Variants in CFAP20DC observed in about 807,000 individuals in gnomAD.
The protein encoded by CFAP20DC is protein CFAP20DC.
CFAP20DC carries 84 observed loss-of-function variants against 101.7 expected under a neutral mutation model. The observed-to-expected ratio is 0.83, with a 90% CI of 0.69 to 0.99. The LOEUF is 0.99. Among genes scored for constraint, CFAP20DC ranks in the 50% least tolerant of loss-of-function variants. The pLI, the probability that CFAP20DC is intolerant of heterozygous loss-of-function variation, is 0.00. For synonymous variants in CFAP20DC, 359 were observed against 351.2 expected (o/e 1.02, Z -0.25); for missense variants, 1,007 against 970.3 (o/e 1.04, Z -0.50).
At chr3:58,739,375 A>G (rs1383990219), downstream of CFAP20DC, among the ~76,000 whole-genome samples, 2 of 152,244 alleles carry the variant, frequency 1.3e-5, no homozygotes, top group Admixed American at 1.3e-4. Flanking sequence ...ACTGATACCA[A>G]ATTATCTTAA....
chr3:58,970,624 T>A (rs1453400366), intron 4 of CFAP20DC: 1 of 152,128 alleles, frequency 6.6e-6, no homozygotes, highest in Non-Finnish European at 1.5e-5. Flanking sequence ...ATGGCAGCCC[T>A]CAGAAACCAA....
intron 15 of CFAP20DC, among the ~76,000 whole-genome samples, chr3:58,776,374 C>G (rs1256249240): frequency 6.6e-6 from 1 of 152,096 alleles, no homozygotes; most frequent in East Asian, 1.9e-4. Context: ...ATCTTGGTCC[C>G]TCTTCTACCA....
At chr3:59,038,277 T>C (rs536050116) in intron 4 of CFAP20DC, among the ~76,000 whole-genome samples, 5 of 151,996 alleles carry the variant, frequency 3.3e-5, no homozygotes, top group Non-Finnish European at 7.4e-5. Context: ...ACTTAAAGTA[T>C]AATAATAATA....
At chr3:58,774,622 C>T (rs1387303479) in intron 15 of CFAP20DC, among the ~76,000 whole-genome samples, 1 of 152,140 alleles carries the variant, frequency 6.6e-6, no homozygotes, top group African/African-American at 2.4e-5. Flanking sequence ...TGGAATTCAT[C>T]AGGAAAAGAC....
At chr3:58,880,681 T>G (rs1171317917) in intron 7 of CFAP20DC, among the ~76,000 whole-genome samples, 1 of 152,202 alleles carries the variant, frequency 6.6e-6, no homozygotes, top group South Asian at 2.1e-4. Context: ...AAATGGTTTG[T>G]GTCATCTTTG....
intron 15 of CFAP20DC, among the ~76,000 whole-genome samples, chr3:58,781,927 T>A (rs1454148263): frequency 1.3e-5 from 2 of 152,022 alleles, no homozygotes; most frequent in Non-Finnish European, 2.9e-5. Flanking sequence ...ACTCATTCTA[T>A]GAGACCAGCA....
At chr3:58,814,324 T>G (rs1264122923) in intron 14 of CFAP20DC, among the ~76,000 whole-genome samples, 1 of 151,878 alleles carries the variant, frequency 6.6e-6, no homozygotes, top group African/African-American at 2.4e-5. Context: ...GACTAAAAAC[T>G]CTCAATAAAT....
intron 3 of CFAP20DC, among the ~76,000 whole-genome samples, chr3:59,043,818 C>T (rs1173417964): frequency 6.6e-6 from 1 of 152,174 alleles, no homozygotes; most frequent in Non-Finnish European, 1.5e-5. Context: ...GAAGAGTTTA[C>T]TCAAGTCTCA....
At chr3:59,031,813 A>C (rs1010930960) in intron 4 of CFAP20DC, among the ~76,000 whole-genome samples, 2 of 152,162 alleles carry the variant, frequency 1.3e-5, no homozygotes, top group African/African-American at 4.8e-5. Context: ...AATTTATGTC[A>C]CTCTCATTTT....
chr3:58,842,309 C>A (rs866312023), intron 13 of CFAP20DC, among the ~76,000 whole-genome samples: 130 of 152,312 alleles, frequency 8.5e-4, no homozygotes, highest in African/African-American at 2.8e-3. Context: ...TGGGTGCGCG[C>A]ACCGTGCGCG....
intron 12 of CFAP20DC, among the ~76,000 whole-genome samples, chr3:58,855,166 A>C (rs1206121210): frequency 2.0e-5 from 3 of 152,128 alleles, no homozygotes; most frequent in African/African-American, 7.2e-5. Context: ...CCCATCAAAA[A>C]GTGGGTGAAG....
rs185704766 is a variant in CFAP20DC, at chr3:59,026,447, C to T, written c.278+13110G>A. The stretch of plus-strand genomic sequence containing the variant: ...ATAACTTAAAAAGCTACAAAGCAAC[C>T]ACTATTTTCTTTAAAGGAAGGCAAT... On this transcript the variant is annotated intron_variant, in intron 4 of 16. Coordinates refer to ENST00000482387, the MANE Select transcript of CFAP20DC (RefSeq NM_001394063.1). 6.9e-4 allele frequency among the ~76,000 whole-genome samples: 105 copies of T among 152,184 alleles called. 1 individual carries two copies. The East Asian group carries it at 0.02, about 29-fold the overall frequency.
rs533689401 is a variant in CFAP20DC, at chr3:58,790,277, A to G, written c.2237+16118T>C. 3.3e-4 allele frequency among the ~76,000 whole-genome samples: 50 copies of G among 152,328 alleles called. 1 individual carries two copies. Among genetic ancestry groups the G allele is most frequent in the Admixed American group, 3.1e-3 (47 of 15,300 alleles). On this transcript the variant is annotated intron_variant, in intron 15 of 16. Coordinates refer to ENST00000482387, the MANE Select transcript of CFAP20DC (RefSeq NM_001394063.1). ...AATTCCATATGAATGGAATCATACA[A>G]TATGTATTTATTCTCAGTTGTATAT... is the stretch of plus-strand genomic sequence containing the variant.
At chr3:58,821,160 T>C (rs1215694017) in intron 14 of CFAP20DC, among the ~76,000 whole-genome samples, 11 of 151,884 alleles carry the variant, frequency 7.2e-5, no homozygotes, top group South Asian at 2.1e-4. Flanking sequence ...GGATTAAAGA[T>C]TTAAACGTTA....
chr3:58,749,724 T>C (rs542536239), intron 16 of CFAP20DC, among the ~76,000 whole-genome samples: 57 of 152,176 alleles, frequency 3.7e-4, no homozygotes, highest in Non-Finnish European at 7.1e-4. Flanking sequence ...TTATTCCATT[T>C]TGGAGCTGGT....
chr3:58,822,802 A>C (rs908508870), intron 14 of CFAP20DC, among the ~76,000 whole-genome samples: 2 of 152,128 alleles, frequency 1.3e-5, no homozygotes, highest in African/African-American at 4.8e-5. Context: ...TTACAGTAGC[A>C]GGAAGGTCAC....
chr3:58,957,378 T>C (rs1224587185), intron 4 of CFAP20DC, among the ~76,000 whole-genome samples: 2 of 152,128 alleles, frequency 1.3e-5, no homozygotes, highest in African/African-American at 4.8e-5. Context: ...TGTGGAGAAA[T>C]GGTAACCCTT....
At chr3:58,746,636 C>T (rs1284257675) in intron 16 of CFAP20DC, among the ~76,000 whole-genome samples, 9 of 152,018 alleles carry the variant, frequency 5.9e-5, no homozygotes, top group African/African-American at 1.2e-4. Context: ...GCATTCATTC[C>T]AATACATATC....
intron 14 of CFAP20DC, among the ~76,000 whole-genome samples, chr3:58,816,163 T>C (rs2075112546): frequency 6.6e-6 from 1 of 151,834 alleles, no homozygotes; most frequent in East Asian, 1.9e-4. Context: ...ACATACACCA[T>C]GGAATACTAT....
Sources: gnomAD v4.1 joint callset for allele counts (sites outside exome capture counted in the v4.1 genomes callset) on GRCh38, gnomAD v4.1.1 for gene constraint, MANE v1.5 for transcripts, NCBI Gene and HGNC (gene_info 2026-07-23, HGNC 2026-07-21) for gene names.